Variants in CADM1 observed in about 807,000 individuals in gnomAD.
CADM1 encodes TSLC-1.
CADM1 carries 15 observed loss-of-function variants against 53.1 expected under a neutral mutation model. That is an observed-to-expected ratio of 0.28 (90% CI 0.19 to 0.44). The LOEUF is 0.44. Among genes scored for constraint, CADM1 ranks in the 20% least tolerant of loss-of-function variants. The pLI, the probability that CADM1 is intolerant of heterozygous loss-of-function variation, is 1.00. For missense variants in CADM1, 434 were observed against 611.3 expected (o/e 0.71, Z 3.06); for synonymous variants, 281 against 243.0 (o/e 1.16, Z -1.45).
At chr11:115,494,500 A>G (rs561474971) in intron 1 of CADM1, among the ~76,000 whole-genome samples, 3 of 152,278 alleles carry the variant, frequency 2.0e-5, no homozygotes, top group African/African-American at 7.2e-5. Context: ...AGAGATTATA[A>G]TCATTGTCAG....
At chr11:115,304,945 A>T (rs555465571) in intron 1 of CADM1, among the ~76,000 whole-genome samples, 4 of 152,112 alleles carry the variant, frequency 2.6e-5, no homozygotes, top group Non-Finnish European at 5.9e-5. Flanking sequence ...AAACCTATCA[A>T]CTGTCCATCT....
intron 9 of CADM1, among the ~76,000 whole-genome samples, chr11:115,196,623 A>AAAAAAAAAAAAAAAGCG: frequency 7.1e-6 from 1 of 140,110 alleles, no homozygotes; most frequent in African/African-American, 2.7e-5. Flanking sequence ...AAAAAAAATC[A>AAAAAAAAAAAAAAAGCG]CAAAACAATC....
chr11:115,328,704 A>ATATACATATACACGCG, intron 1 of CADM1, among the ~76,000 whole-genome samples: 1 of 7,764 alleles, frequency 1.3e-4, no homozygotes, highest in South Asian at 4.3e-3. Context: ...ATATATATGT[A>ATATACATATACACGCG]TATATATATG....
At chr11:115,176,728 G>A in intron 11 of CADM1, 136 bp from the exon 12 acceptor site, 1 of 783,536 alleles carries the variant, frequency 1.3e-6, no homozygotes, top group South Asian at 1.4e-5. Context: ...ACAATTGGAA[G>A]AAGAGAGCGG....
At chr11:115,251,557 T>A (rs1403905776) in intron 1 of CADM1, among the ~76,000 whole-genome samples, 1 of 152,144 alleles carries the variant, frequency 6.6e-6, no homozygotes, top group African/African-American at 2.4e-5. Context: ...ATGATAATCA[T>A]CATGCTGAAT....
At chr11:115,402,415 C>T (rs1199023213) in intron 1 of CADM1, among the ~76,000 whole-genome samples, 1 of 152,058 alleles carries the variant, frequency 6.6e-6, no homozygotes, top group African/African-American at 2.4e-5. Flanking sequence ...CGCAGCTACT[C>T]AGGAGGCTGA....
At chr11:115,220,529 C>T (rs1160935143) in intron 5 of CADM1, among the ~76,000 whole-genome samples, 1 of 152,172 alleles carries the variant, frequency 6.6e-6, no homozygotes, top group African/African-American at 2.4e-5. Flanking sequence ...CTTATGGCTA[C>T]AGCTGCCACA....
At chr11:115,204,151 T>G (rs549135640) in intron 8 of CADM1, among the ~76,000 whole-genome samples, 1 of 152,352 alleles carries the variant, frequency 6.6e-6, no homozygotes, top group African/African-American at 2.4e-5. Context: ...AAGAGTGGCC[T>G]AATCTATGCC....
chr11:115,185,876 T>C (rs909446640), intron 10 of CADM1, among the ~76,000 whole-genome samples: 1 of 152,206 alleles, frequency 6.6e-6, no homozygotes, highest in African/African-American at 2.4e-5. Context: ...TCAGTGGACC[T>C]CAGGCATTTG....
chr11:115,359,660 C>G (rs1030427199), intron 1 of CADM1, among the ~76,000 whole-genome samples: 2 of 152,102 alleles, frequency 1.3e-5, no homozygotes, highest in Non-Finnish European at 2.9e-5. Flanking sequence ...TACTATATGC[C>G]TGGCACCAAA....
At chr11:115,350,053 C>A (rs1000487074) in intron 1 of CADM1, among the ~76,000 whole-genome samples, 7 of 152,128 alleles carry the variant, frequency 4.6e-5, no homozygotes, top group Admixed American at 4.6e-4. Context: ...CTCACTGCAA[C>A]CTCCGCCTCT....
chr11:115,360,937 C>T (rs975223111), intron 1 of CADM1, among the ~76,000 whole-genome samples: 3 of 152,128 alleles, frequency 2.0e-5, no homozygotes, highest in Non-Finnish European at 4.4e-5. Context: ...GTAGTCCTCA[C>T]GGCAATCACT....
intron 1 of CADM1, among the ~76,000 whole-genome samples, chr11:115,340,838 T>C (rs1945427807): frequency 6.6e-6 from 1 of 150,544 alleles, no homozygotes; most frequent in Admixed American, 6.6e-5. Context: ...TTTTTGTATT[T>C]TTAGTAGAGA....
intron 11 of CADM1, 119 bp downstream of exon 11, chr11:115,178,525 G>A (rs1299456143): frequency 2.3e-6 from 2 of 856,394 alleles, no homozygotes; most frequent in Non-Finnish European, 3.9e-6. Context: ...CCAGTTTCAG[G>A]AATCAGATAG....
intron 1 of CADM1, among the ~76,000 whole-genome samples, chr11:115,489,504 G>A (rs981818142): frequency 2.6e-5 from 4 of 152,226 alleles, no homozygotes; most frequent in Non-Finnish European, 5.9e-5. Context: ...GGTTAGAGAA[G>A]TTGTGACAGA....
chr11:115,442,490 C>T (rs1319418530), intron 1 of CADM1, among the ~76,000 whole-genome samples: 1 of 152,142 alleles, frequency 6.6e-6, no homozygotes, highest in African/African-American at 2.4e-5. Flanking sequence ...AGTGCAGGTA[C>T]ATTAGCCAAA....
chr11:115,372,922 G>C (rs1032301877), intron 1 of CADM1, among the ~76,000 whole-genome samples: 3 of 152,226 alleles, frequency 2.0e-5, no homozygotes, highest in Non-Finnish European at 4.4e-5. Flanking sequence ...CCAAAGGCTT[G>C]TGAATTCAGG....
intron 1 of CADM1, among the ~76,000 whole-genome samples, chr11:115,478,397 A>C (rs1186164420): frequency 6.6e-6 from 1 of 152,170 alleles, no homozygotes. Flanking sequence ...GAAAAGGCTT[A>C]AAAATCTGTA....
rs139323835 is a variant in CADM1 at position 115,319,559 on chromosome 11, C to A, written c.125-79139G>T. Among the ~76,000 whole-genome samples the A allele has an allele frequency of 5.2e-3, 792 of 152,020 alleles. 9 individuals carry two copies. The highest frequency in any genetic ancestry group is 0.018 in the African/African-American group (755 of 41,466). On this transcript the variant is annotated intron_variant, in intron 1 of 11. Coordinates refer to ENST00000331581, the MANE Select transcript of CADM1 (RefSeq NM_001301043.2). ...TCCCATTTACTCATTATATAGGTAC[C>A]CTGCCAATTCTTTGGGAGCCAAAAA... is the stretch of plus-strand genomic sequence containing the variant.
Sources: allele counts gnomAD v4.1 joint callset (sites outside exome capture counted in the v4.1 genomes callset), GRCh38; gene constraint gnomAD v4.1.1; transcripts MANE v1.5; gene names NCBI Gene and HGNC (gene_info 2026-07-23, HGNC 2026-07-21).